NFE2L2: variants seen among roughly 807,000 people sequenced by gnomAD.
NFE2L2 encodes the protein nuclear factor erythroid 2-related factor 2.
NFE2L2 carries 20 observed loss-of-function variants against 49.6 expected under a neutral mutation model. The observed-to-expected ratio is 0.40, with a 90% CI of 0.28 to 0.59. The LOEUF is 0.59. Among genes scored for constraint, NFE2L2 ranks in the 20% least tolerant of loss-of-function variants. The pLI is 0.40. For synonymous variants in NFE2L2, 244 were observed against 256.5 expected (o/e 0.95, Z 0.47); for missense variants, 578 against 714.2 (o/e 0.81, Z 2.17).
intron 1 of NFE2L2, among the ~76,000 whole-genome samples, chr2:177,244,890 C>A (rs1690070387): frequency 6.7e-6 from 1 of 149,892 alleles, no homozygotes; most frequent in African/African-American, 2.5e-5. Context: ...TGTGTCCCAG[C>A]TACTTGGGAG....
At chr2:177,264,259 G>A (rs902155639) in intron 1 of NFE2L2, 2 of 401,224 alleles carry the variant, frequency 5.0e-6, no homozygotes, top group Non-Finnish European at 8.9e-6. Flanking sequence ...CTCCCCCAAG[G>A]CCCACGCGAG....
rs1168551006 is a variant in NFE2L2, at chr2:177,234,192, C to T, written c.125G>A (p.Arg42Gln). Residue 42 changes from arginine to glutamine, a missense_variant, in exon 2 of 5, where the codon CGA becomes CAA. By Grantham distance (43) the Arg-to-Gln change is conservative. Coordinates refer to ENST00000397062, the MANE Select transcript of NFE2L2 (RefSeq NM_006164.5). ...TTTTTCCAGCTCATACTCTTTCCGT[C>T]GCTGACTGAAGTCAAATACTTCTCG... ...VSREVFDFSQRRKEYELEKQK... is the reference protein window; with the variant it reads ...VSREVFDFSQQRKEYELEKQK... 5.6e-6 allele frequency: 9 copies of T among 1,614,014 alleles called. No individual in the cohort carries two copies. The highest frequency in any genetic ancestry group is 4.0e-5 in the African/African-American group (3 of 74,936).
At chr2:177,251,785 C>G (rs1690348673) in intron 1 of NFE2L2, among the ~76,000 whole-genome samples, 1 of 151,734 alleles carries the variant, frequency 6.6e-6, no homozygotes, top group South Asian at 2.1e-4. Flanking sequence ...GTGGGCGGAT[C>G]ACGAGGTCAG....
chr2:177,243,995 T>C (rs1170248662), intron 1 of NFE2L2, among the ~76,000 whole-genome samples: 1 of 150,090 alleles, frequency 6.7e-6, no homozygotes, highest in Admixed American at 6.6e-5. Flanking sequence ...AACACTTAGC[T>C]TTAAAAAAAA....
chr2:177,233,168 T>C (rs781695235), intron 3 of NFE2L2, 82 bp downstream of exon 3: 12 of 1,146,646 alleles, frequency 1.0e-5, no homozygotes, highest in Non-Finnish European at 1.5e-5. Context: ...TGGAGATTCA[T>C]TGACGGGACT....
At chr2:177,259,224 C>T (rs1284609941) in intron 1 of NFE2L2, among the ~76,000 whole-genome samples, 1 of 152,006 alleles carries the variant, frequency 6.6e-6, no homozygotes, top group Non-Finnish European at 1.5e-5. Context: ...ATCGCTTGAA[C>T]TCGGGAGGTG....
chr2:177,258,900 C>T (rs1479553812), intron 1 of NFE2L2, among the ~76,000 whole-genome samples: 3 of 152,170 alleles, frequency 2.0e-5, no homozygotes, highest in African/African-American at 7.2e-5. Flanking sequence ...CAGTTCTCAC[C>T]TTATTTGGAA....
At chr2:177,264,379 G>T in intron 1 of NFE2L2, 153 bp downstream of exon 1, 3 of 705,352 alleles carry the variant, frequency 4.3e-6, no homozygotes, top group Non-Finnish European at 6.4e-6. Context: ...CCCTGCCCCG[G>T]CGCAAGCGCG....
intron 1 of NFE2L2, among the ~76,000 whole-genome samples, chr2:177,238,103 A>G (rs1403155359): frequency 1.3e-5 from 2 of 152,216 alleles, no homozygotes; most frequent in Non-Finnish European, 2.9e-5. Context: ...AAGTCAATCA[A>G]AGAAACTCAA....
At chr2:177,264,264 C>T in intron 1 of NFE2L2, 2 of 407,232 alleles carry the variant, frequency 4.9e-6, no homozygotes, top group African/African-American at 2.1e-5. Context: ...CCAAGGCCCA[C>T]GCGAGCGGGC....
chr2:177,245,393 C>T (rs1329107255), intron 1 of NFE2L2, among the ~76,000 whole-genome samples: 1 of 152,194 alleles, frequency 6.6e-6, no homozygotes, highest in Non-Finnish European at 1.5e-5. Context: ...TCTAATTTTA[C>T]AACTCTTGCC....
intron 1 of NFE2L2, among the ~76,000 whole-genome samples, chr2:177,234,940 A>C (rs1434867556): frequency 6.6e-6 from 1 of 151,940 alleles, no homozygotes; most frequent in African/African-American, 2.4e-5. Context: ...ACATGGTGAA[A>C]CCACGTCTCT....
chr2:177,241,690 CA>C (rs1281272265), intron 1 of NFE2L2, among the ~76,000 whole-genome samples: 46 of 152,040 alleles, frequency 3.0e-4, no homozygotes, highest in South Asian at 2.1e-4. Context: ...CTCAACTCTA[CA>C]AAAAAATTTA....
chr2:177,253,037 C>T (rs4243387), intron 1 of NFE2L2, among the ~76,000 whole-genome samples: 115,714 of 152,138 alleles, frequency 0.76, 46,028 homozygotes, highest in Non-Finnish European at 0.88. Flanking sequence ...CCCTCTATGG[C>T]AACCCCCAAG....
chr2:177,255,938 G>T (rs79705589), intron 1 of NFE2L2: 1,961 of 153,842 alleles, frequency 0.013, 37 homozygotes, highest in African/African-American at 0.044. Flanking sequence ...TGAAAAATTG[G>T]CAAGTTTTCC....
Position 177,231,354 on chromosome 2 carries a change from C to T in NFE2L2, c.1249G>A (p.Val417Met), listed in dbSNP as rs746016111. The change falls in exon 5 of 5, where the codon GTG becomes ATG. Residue 417 changes from valine to methionine, a missense_variant. Transcript: ENST00000397062. ...GTGTTCTCACATTGGGCATCATGCA[C>T]GTGAGTGCTCTGCCCCTGAGATGGT... ...LSPSQGQSTHVHDAQCENTPE... is the reference protein window; with the variant it reads ...LSPSQGQSTHMHDAQCENTPE... The T allele has an allele frequency of 7.4e-6, 12 of 1,614,120 alleles. No individual in the cohort carries two copies. The highest frequency in any genetic ancestry group is 4.0e-5 in the African/African-American group (3 of 74,950).
rs1574260519 is a variant in NFE2L2, at chr2:177,234,274, ATGTTT to A, written c.46-8_46-4del. ...AGTATGTCAATCAAATCCATGTCCT[ATGTTT>A]AAGACAAAAAAAGGAAGGAGAGAGC... is the stretch of plus-strand genomic sequence containing the variant. On this transcript the variant is annotated splice_polypyrimidine_tract_variant and splice_region_variant and intron_variant, in intron 1 of 4. Coordinates refer to ENST00000397062, the MANE Select transcript of NFE2L2 (RefSeq NM_006164.5). 1 of 1,601,800 alleles carries A rather than the reference ATGTTT, an allele frequency of 6.2e-7. No homozygotes were observed. Among genetic ancestry groups the A allele is most frequent in the Middle Eastern group, 1.7e-4 (1 of 5,884 alleles).
At chr2:177,264,443 G>A (rs1690863252) in intron 1 of NFE2L2, 89 bp downstream of exon 1, 1 of 1,375,972 alleles carries the variant, frequency 7.3e-7, no homozygotes, top group South Asian at 1.3e-5. Flanking sequence ...GGGGAAGCCG[G>A]TTGCGGCTGT....
chr2:177,257,379 G>A (rs1690562074), intron 1 of NFE2L2, among the ~76,000 whole-genome samples: 1 of 152,180 alleles, frequency 6.6e-6, no homozygotes, highest in Non-Finnish European at 1.5e-5. Flanking sequence ...CCACTTCAGG[G>A]AAGCCCTTTC....
Sources: allele counts gnomAD v4.1 joint callset (sites outside exome capture counted in the v4.1 genomes callset), GRCh38; gene constraint gnomAD v4.1.1; transcripts MANE v1.5; gene names NCBI Gene and HGNC (gene_info 2026-07-23, HGNC 2026-07-21).